Variants in WDHD1 observed in about 807,000 individuals in gnomAD.
WDHD1 encodes WD repeat and HMG-box DNA binding protein 1.
WDHD1 carries 111 observed loss-of-function variants against 135.4 expected under a neutral mutation model. That is an observed-to-expected ratio of 0.82 (90% CI 0.70 to 0.96). The LOEUF (loss-of-function observed/expected upper bound fraction) is 0.96. Ranked by LOEUF, WDHD1 falls within the 40% of genes least tolerant of loss-of-function variation. WDHD1 has a pLI of 0.00. For synonymous variants in WDHD1, 434 were observed against 439.0 expected (o/e 0.99, Z 0.14); for missense variants, 1,351 against 1,336.3 (o/e 1.01, Z -0.17).
rs2041962894 is a variant in WDHD1, at chr14:55,000,581, T to C, written c.864A>G (p.Ile288Met). 6.2e-7 allele frequency: 1 copy of C among 1,607,772 alleles called. No homozygotes were observed. ...GLAWHPTCGRISYTDAEGNLG... is the reference protein window; with the variant it reads ...GLAWHPTCGRMSYTDAEGNLG... Reference sequence around the variant, plus strand: ...GATTTCCTTCCGCATCAGTATACGATATTCGACCACAAGTAGGATGCCATG... The same window carrying C: ...GATTTCCTTCCGCATCAGTATACGACATTCGACCACAAGTAGGATGCCATG... Residue 288 changes from isoleucine (I) to methionine (M), a missense_variant, in exon 10 of 26, where the codon ATA becomes ATG. Around this residue, in one of 2 missense-constraint regions of WDHD1, gnomAD observed 1,330 missense variants for 1,296.1 expected, o/e 1.03. Coordinates refer to ENST00000360586, the MANE Select transcript of WDHD1 (RefSeq NM_007086.4).
At chr14:54,988,142 C>T (rs909251503) in intron 13 of WDHD1, among the ~76,000 whole-genome samples, 5 of 152,104 alleles carry the variant, frequency 3.3e-5, no homozygotes, top group Non-Finnish European at 5.9e-5. Flanking sequence ...ATTTACTTAC[C>T]TACCTACTTA....
chr14:54,986,830 C>T (rs1016584867), intron 14 of WDHD1, among the ~76,000 whole-genome samples: 1 of 152,088 alleles, frequency 6.6e-6, no homozygotes, highest in African/African-American at 2.4e-5. Flanking sequence ...GTTGTTTTGG[C>T]CCTTCCTACT....
At chr14:55,007,949 A>G (rs147991811) in intron 6 of WDHD1, among the ~76,000 whole-genome samples, 39 of 152,300 alleles carry the variant, frequency 2.6e-4, no homozygotes, top group Non-Finnish European at 5.0e-4. Flanking sequence ...AATAAACTGT[A>G]TATGTGACTC....
chr14:55,024,506 C>T (rs2042400143), intron 2 of WDHD1, among the ~76,000 whole-genome samples: 1 of 152,130 alleles, frequency 6.6e-6, no homozygotes, highest in African/African-American at 2.4e-5. Flanking sequence ...TTCTACACAC[C>T]CATGTTTACT....
chr14:54,959,786 C>CT (rs934556868), intron 21 of WDHD1, among the ~76,000 whole-genome samples: 1 of 151,652 alleles, frequency 6.6e-6, no homozygotes, highest in African/African-American at 2.4e-5. Context: ...GTATCCGCAC[C>CT]CCCCCCACCA....
At chr14:54,943,493 CAAGT>C (rs1230325685) in intron 25 of WDHD1, among the ~76,000 whole-genome samples, 8 of 152,158 alleles carry the variant, frequency 5.3e-5, no homozygotes, top group African/African-American at 1.9e-4. Flanking sequence ...CTCCTGGGCT[CAAGT>C]AAGTGATCTT....
chr14:54,961,172 A>C (rs1301203539), intron 21 of WDHD1, among the ~76,000 whole-genome samples: 1 of 151,968 alleles, frequency 6.6e-6, no homozygotes, highest in Non-Finnish European at 1.5e-5. Context: ...AACCTACAAC[A>C]GTCTCTCAGT....
rs555277383 is a variant in WDHD1, at chr14:55,000,216, G to A, written c.942+287C>T. Among the ~76,000 whole-genome samples, 24 of 152,252 alleles carry A rather than the reference G, an allele frequency of 1.6e-4. No homozygotes were observed. In the East Asian group the frequency reaches 4.1e-3, roughly 26 times the overall value. On this transcript the variant is annotated intron_variant, in intron 10 of 25. Coordinates refer to ENST00000360586, the MANE Select transcript of WDHD1 (RefSeq NM_007086.4). ...TAAGAGTTAAGGCTAATTCAGAGTA[G>A]AAACAGTTTGCAGGCCAAACTGAGA...
chr14:55,014,912 T>A (rs2042234876), intron 2 of WDHD1, among the ~76,000 whole-genome samples: 1 of 151,204 alleles, frequency 6.6e-6, no homozygotes, highest in Non-Finnish European at 1.5e-5. Flanking sequence ...GAAAACCACA[T>A]GAAAAAAAAT....
intron 2 of WDHD1, among the ~76,000 whole-genome samples, chr14:55,021,376 T>C (rs1209052627): frequency 6.6e-6 from 1 of 152,162 alleles, no homozygotes; most frequent in Non-Finnish European, 1.5e-5. Context: ...TGTCTTCTGC[T>C]AACTCTTCGG....
intron 25 of WDHD1, among the ~76,000 whole-genome samples, chr14:54,943,561 G>C (rs1457463324): frequency 6.6e-6 from 1 of 151,928 alleles, no homozygotes; most frequent in Non-Finnish European, 1.5e-5. Context: ...ACCATGCCAG[G>C]CTAATTTTTA....
chr14:55,024,139 A>T (rs1428438183), intron 2 of WDHD1, among the ~76,000 whole-genome samples: 2 of 152,220 alleles, frequency 1.3e-5, no homozygotes, highest in Non-Finnish European at 2.9e-5. Context: ...GTATAAGTAG[A>T]CATACACAAT....
In WDHD1 at chr14:54,983,832, T is replaced by G. The variant is rs148519359; in HGVS notation, c.1906+891A>C. On this transcript the variant is annotated intron_variant, in intron 15 of 25. Coordinates refer to ENST00000360586, the MANE Select transcript of WDHD1 (RefSeq NM_007086.4). ...CCATGCCCAGCCAAAAAAAAAATTA[T>G]TTTTAAAGAAAAAAAGGATGAAGTT... Among the ~76,000 whole-genome samples, 201 of 152,224 alleles carry G rather than the reference T, an allele frequency of 1.3e-3. 1 individual carries two copies. Among genetic ancestry groups the G allele is most frequent in the African/African-American group, 4.6e-3 (190 of 41,550 alleles).
Position 55,026,186 on chromosome 14 carries a change from G to T in WDHD1, c.77+525C>A, listed in dbSNP as rs577751493. Among the ~76,000 whole-genome samples, 41 of 152,252 alleles carry T rather than the reference G, an allele frequency of 2.7e-4. 1 individual carries two copies. Among genetic ancestry groups the T allele is most frequent in the African/African-American group, 9.6e-4 (40 of 41,546 alleles). On this transcript the variant is annotated intron_variant, in intron 2 of 25. Transcript: ENST00000360586. ...TCAATGAATCAATCAACATAGAAGC[G>T]ACAGTGGAAGCCGTGCAATCGAGCA...
chr14:55,016,994 T>A lies in WDHD1; in HGVS notation c.78-3398A>T, dbSNP rs552207658. ...AGTATTATATCAATGTCATCAGGAG[T>A]TTTAAATAGAAAATCGCCCGTATTA... On this transcript the variant is annotated intron_variant, in intron 2 of 25. Coordinates refer to ENST00000360586, the MANE Select transcript of WDHD1 (RefSeq NM_007086.4). Among the ~76,000 whole-genome samples, 10 of 152,164 alleles carry A rather than the reference T, an allele frequency of 6.6e-5. No individual in the cohort carries two copies. In the East Asian group the frequency reaches 1.9e-3, roughly 29 times the overall value.
At chr14:54,986,046 G>T (rs1383694744) in intron 14 of WDHD1, among the ~76,000 whole-genome samples, 2 of 152,322 alleles carry the variant, frequency 1.3e-5, no homozygotes, top group African/African-American at 4.8e-5. Flanking sequence ...TAAGTCTGGA[G>T]ACACAAGGAG....
intron 13 of WDHD1, 51 bp downstream of exon 13, chr14:54,988,977 G>GT (rs769460226): frequency 2.0e-6 from 3 of 1,466,044 alleles, no homozygotes; most frequent in African/African-American, 1.4e-5. Context: ...TTCAACAACT[G>GT]TATCTAACAG....
In WDHD1 at chr14:54,957,653, C is replaced by T; in HGVS notation, c.2702-18G>A. The stretch of plus-strand genomic sequence containing the variant: ...AACTGCACCTTTCACAAAAAAGAAA[C>T]CCTTGCTTAATAATGGTAGAAAATA... On this transcript the variant is annotated intron_variant, in intron 21 of 25. Transcript: ENST00000360586. 6.2e-7 allele frequency: 1 copy of T among 1,600,330 alleles called. No homozygotes were observed. The highest frequency in any genetic ancestry group is 2.2e-5 in the East Asian group (1 of 44,742).
chr14:54,972,120 A>T (rs939826166), intron 16 of WDHD1, among the ~76,000 whole-genome samples: 5 of 151,914 alleles, frequency 3.3e-5, no homozygotes, highest in East Asian at 1.9e-4. Context: ...AAAATATTTT[A>T]AAAAATTAGC....
Sources: allele counts gnomAD v4.1 joint callset (sites outside exome capture counted in the v4.1 genomes callset), GRCh38; gene constraint gnomAD v4.1.1; regional missense constraint gnomAD v4.1.1; transcripts MANE v1.5; gene names NCBI Gene and HGNC (gene_info 2026-07-23, HGNC 2026-07-21).